Variants in DOCK6 observed in about 807,000 individuals in gnomAD.
DOCK6 encodes dedicator of cytokinesis 6, also known as dedicator of cytokinesis protein 6.
Under a neutral mutation model 230.3 loss-of-function variants are expected in DOCK6, and 167 were observed. The observed-to-expected ratio is 0.73, with a 90% CI of 0.64 to 0.82. The LOEUF (loss-of-function observed/expected upper bound fraction) is 0.82, where lower values mean the gene tolerates loss of function less well. Among genes scored for constraint, DOCK6 ranks in the 40% least tolerant of loss-of-function variants. The probability of loss-of-function intolerance (pLI) is 0.00; values close to 1 mark genes in which losing one functional copy is unlikely to be tolerated. For missense variants in DOCK6, 2,598 were observed against 2,825.8 expected (o/e 0.92, Z 1.83); for synonymous variants, 1,148 against 1,185.0 (o/e 0.97, Z 0.64).
chr19:11,260,283 A>C (rs1028896599), intron 1 of DOCK6, among the ~76,000 whole-genome samples: 2 of 152,142 alleles, frequency 1.3e-5, no homozygotes, highest in Non-Finnish European at 2.9e-5. Context: ...ACCAAAATGC[A>C]AAGAAACAGA....
In DOCK6 at chr19:11,250,319, CT is replaced by C. The variant is rs879791311; in HGVS notation, c.720+554del. On this transcript the variant is annotated intron_variant, in intron 6 of 47. Coordinates refer to ENST00000294618, the MANE Select transcript of DOCK6 (RefSeq NM_020812.4). The stretch of plus-strand genomic sequence containing the variant: ...AGCCACCACGCCCAGCCAGAAGCTA[CT>C]TTTTTTTTTTTGAGACAGAGTTTTG... Among the ~76,000 whole-genome samples, 149 of 141,270 alleles carry C rather than the reference CT, an allele frequency of 1.1e-3. 1 individual carries two copies. The highest frequency in any genetic ancestry group is 1.0e-3 in the East Asian group (5 of 4,818). 92.7% of individuals were successfully genotyped at this position (141,270 alleles called of 152,430 possible). A position where few individuals can be genotyped will look rare whatever the true frequency, so the allele number is the denominator to read the frequency against.
chr19:11,239,501 C>T (rs2079905576), intron 14 of DOCK6: 1 of 1,088,590 alleles, frequency 9.2e-7, no homozygotes, highest in African/African-American at 1.6e-5. Context: ...CCTGATGCAA[C>T]TATCGCACCA....
chr19:11,200,345 G>A lies in DOCK6; in HGVS notation c.6064C>T (p.Leu2022=). ...EALQPLLTQR[L]PQLMAPTPPG... is the part of the protein sequence containing the mutation. ...GGGGTGGGTGCCATCAGCTGGGGCA[G>A]GCGCTGGGTAAGCAGGGGCTGCAGA... Residue 2022 remains leucine (L), a synonymous_variant, in exon 47 of 48, where the codon CTG becomes TTG. Coordinates refer to ENST00000294618, the MANE Select transcript of DOCK6 (RefSeq NM_020812.4). This position sits in a 1 kb window ranked among gnomAD's most constrained non-coding sequence, Gnocchi z 4.3. 1.3e-6 allele frequency: 2 copies of A among 1,577,896 alleles called. No homozygotes were observed. Among genetic ancestry groups the A allele is most frequent in the Non-Finnish European group, 1.7e-6 (2 of 1,161,892 alleles).
At chr19:11,252,435 C>A (rs1244133908) in intron 4 of DOCK6, 47 bp downstream of exon 4, 2 of 1,608,968 alleles carry the variant, frequency 1.2e-6, no homozygotes, top group East Asian at 4.5e-5. Context: ...ATCAGCTCAG[C>A]CCTTTTGGGT....
chr19:11,251,127 T>A, intron 5 of DOCK6, 41 bp from the exon 6 acceptor site: 2 of 1,558,086 alleles, frequency 1.3e-6, no homozygotes. Flanking sequence ...GCCAGCTGTA[T>A]ACACCTTCAC....
intron 6 of DOCK6, 130 bp from the exon 7 acceptor site, chr19:11,248,281 C>G (rs2080067151): frequency 1.5e-6 from 1 of 660,350 alleles, no homozygotes; most frequent in African/African-American, 1.8e-5. Context: ...TGCCTCTGAG[C>G]CTTTACACGT....
Position 11,209,096 on chromosome 19 carries a change from G to A in DOCK6, c.4759C>T (p.Arg1587Trp), listed in dbSNP as rs1352552434. ...MLIDLMYRIA[R>W]GYQGSPDLRL... ...AGGTCCGGTGAGCCCTGGTAGCCCC[G>A]GGCAATTCTGGAGTCCAGGTGAGGG... Residue 1587 changes from arginine to tryptophan, a missense_variant, in exon 38 of 48, where the codon CGG becomes TGG. Transcript: ENST00000294618. The A allele has an allele frequency of 6.8e-6, 11 of 1,611,244 alleles. 1 individual carries two copies. The highest frequency in any genetic ancestry group is 3.3e-5 in the South Asian group (3 of 90,808).
At chr19:11,248,021 G>A in intron 7 of DOCK6, 45 bp downstream of exon 7, 5 of 1,543,074 alleles carry the variant, frequency 3.2e-6, no homozygotes, top group Non-Finnish European at 4.4e-6. Flanking sequence ...GAACCCATGT[G>A]GTTGCTTCAC....
rs1191669102 is a variant in DOCK6 at position 11,243,220 on chromosome 19, C to A, written c.1386+38G>T. ...GGGTCCCCAGGGCTAATGCAGCCAG[C>A]GGGGAGTGGGAGAGTCCCTGGCCCC... is the stretch of plus-strand genomic sequence containing the variant. On this transcript the variant is annotated intron_variant, in intron 12 of 47. Transcript: ENST00000294618. This position sits in a 1 kb window ranked among gnomAD's most constrained non-coding sequence, Gnocchi z 6.3. The A allele has an allele frequency of 1.2e-6, 2 of 1,613,140 alleles. No homozygotes were observed. The highest frequency in any genetic ancestry group is 1.7e-6 in the Non-Finnish European group (2 of 1,179,526).
At chr19:11,245,735 G>A in intron 8 of DOCK6, 23 bp from the exon 9 acceptor site, 1 of 1,604,648 alleles carries the variant, frequency 6.2e-7, no homozygotes, top group Non-Finnish European at 8.5e-7. Context: ...GAGGCAGCTG[G>A]GCCACCACCT....
At chr19:11,232,222 C>T (rs1039543706) in intron 22 of DOCK6, 10 of 1,289,416 alleles carry the variant, frequency 7.8e-6, no homozygotes, top group South Asian at 3.7e-5. Flanking sequence ...GGGCGCCCGC[C>T]GCAGCACAGC....
At chr19:11,247,750 T>G in intron 7 of DOCK6, 1 of 261,166 alleles carries the variant, frequency 3.8e-6, no homozygotes, top group South Asian at 5.2e-5. Flanking sequence ...AGTTGTATGG[T>G]CTTGGCGTCA....
intron 6 of DOCK6, 32 bp from the exon 7 acceptor site, chr19:11,248,183 G>A (rs1367018661): frequency 1.7e-6 from 2 of 1,182,714 alleles, no homozygotes; most frequent in African/African-American, 3.0e-5. Context: ...AGCTGGGCGG[G>A]AGGAGCTGGG....
chr19:11,216,721 A>G, intron 30 of DOCK6, 193 bp downstream of exon 30: 1 of 632,894 alleles, frequency 1.6e-6, no homozygotes, highest in Non-Finnish European at 2.8e-6. Flanking sequence ...CACCTTCCAA[A>G]TTCTATTCAC....
At chr19:11,237,976 T>G in intron 16 of DOCK6, 69 bp downstream of exon 16, 1 of 1,544,024 alleles carries the variant, frequency 6.5e-7, no homozygotes, top group Non-Finnish European at 8.9e-7. Flanking sequence ...CTGCCTTATG[T>G]GTATATATAA....
At chr19:11,204,033 A>G in intron 41 of DOCK6, 48 bp downstream of exon 41, 1 of 1,549,136 alleles carries the variant, frequency 6.5e-7, no homozygotes, top group Non-Finnish European at 8.7e-7. Flanking sequence ...CTGGCCAGTC[A>G]TCACGGGGGT....
At chr19:11,203,814 A>T in intron 41 of DOCK6, 1 of 576,872 alleles carries the variant, frequency 1.7e-6, no homozygotes, top group Non-Finnish European at 3.1e-6. Flanking sequence ...CCCTGCAGTG[A>T]CCAAGCTGGC....
intron 24 of DOCK6, among the ~76,000 whole-genome samples, chr19:11,226,396 C>T (rs746245897): frequency 6.6e-6 from 1 of 152,194 alleles, no homozygotes; most frequent in Admixed American, 6.5e-5. Context: ...CGGTGGCTCA[C>T]GCCTGTAATC....
intron 47 of DOCK6, among the ~76,000 whole-genome samples, chr19:11,199,888 G>A (rs2147684692): frequency 6.6e-6 from 1 of 152,224 alleles, no homozygotes; most frequent in South Asian, 2.1e-4. Flanking sequence ...GGTGGCTCAT[G>A]CTGTAATTCC....
Sources: gnomAD v4.1 joint callset for allele counts (sites outside exome capture counted in the v4.1 genomes callset) on GRCh38, gnomAD v4.1.1 for gene constraint, Gnocchi (gnomAD v3.1) non-coding constraint, MANE v1.5 for transcripts, NCBI Gene and HGNC (gene_info 2026-07-23, HGNC 2026-07-21) for gene names.